The following AOPEP variants were observed in gnomAD, a reference collection of about 807,000 sequenced individuals.
AOPEP encodes the protein aminopeptidase O.
In AOPEP, 77 loss-of-function variants were observed where a neutral mutation model predicts 98.1. The observed-to-expected ratio is 0.78, with a 90% CI of 0.65 to 0.95. The LOEUF is 0.95. Ranked by LOEUF, AOPEP falls within the 40% of genes least tolerant of loss-of-function variation. The pLI, the probability that AOPEP is intolerant of heterozygous loss-of-function variation, is 0.00. For missense variants in AOPEP, 1,024 were observed against 1,024.7 expected (o/e 1.00, Z 0.01); for synonymous variants, 346 against 365.3 (o/e 0.95, Z 0.60).
At chr9:94,939,602 TCCTG>T (rs1238970675) in intron 7 of AOPEP, among the ~76,000 whole-genome samples, 2 of 152,184 alleles carry the variant, frequency 1.3e-5, no homozygotes, top group African/African-American at 4.8e-5. Context: ...GAACAAAACT[TCCTG>T]GGCAACAACA....
In AOPEP at chr9:94,933,059, TCTC is replaced by T. The variant is rs2055632068; in HGVS notation, c.1661+4532_1661+4534del. ...CCCAAGGACTCTCCCAGACTCTTCA[TCTC>T]CTCTCTGGCCCTGGGCAGAACTCTT... On this transcript the variant is annotated intron_variant, in intron 7 of 16. Transcript: ENST00000375315. 6.1e-6 allele frequency: 6 copies of T among 985,420 alleles called. No homozygotes were observed. In the South Asian group the frequency reaches 2.3e-4, roughly 39 times the overall value. The allele number at this position is 985,420 out of a possible 1,614,324, so 61.0% of individuals were successfully genotyped here.
intron 2 of AOPEP, among the ~76,000 whole-genome samples, chr9:94,770,277 A>G (rs540682624): frequency 6.6e-6 from 1 of 152,354 alleles, no homozygotes; most frequent in Admixed American, 6.5e-5. Flanking sequence ...CACTTGAGCC[A>G]GAAACCTCAG....
chr9:95,145,709 A>G, the AOPEP span, among the ~76,000 whole-genome samples: 2 of 152,224 alleles, frequency 1.3e-5, no homozygotes, highest in Admixed American at 6.5e-5. Flanking sequence ...GAACCAGAAC[A>G]GAAGGTAACA....
At chr9:94,796,912 C>T (rs932191296) in intron 4 of AOPEP, among the ~76,000 whole-genome samples, 9 of 152,014 alleles carry the variant, frequency 5.9e-5, no homozygotes, top group South Asian at 4.1e-4. Flanking sequence ...AGTTTAAACA[C>T]GACACAGAAA....
chr9:95,092,421 A>T, the AOPEP span, among the ~76,000 whole-genome samples: 1 of 151,996 alleles, frequency 6.6e-6, no homozygotes, highest in African/African-American at 2.4e-5. Context: ...GGGACTGTCC[A>T]TTCTGAGTCT....
intron 5 of AOPEP, among the ~76,000 whole-genome samples, chr9:94,896,011 T>C (rs1692017338): frequency 6.6e-6 from 1 of 152,196 alleles, no homozygotes; most frequent in African/African-American, 2.4e-5. Context: ...ATGGAGAATG[T>C]TTGCCTATCT....
chr9:95,088,142 C>T (rs75760777), downstream of AOPEP, among the ~76,000 whole-genome samples: 23 of 152,166 alleles, frequency 1.5e-4, no homozygotes, highest in East Asian at 2.9e-3. Context: ...AATAAATACA[C>T]GACCGCGGCT....
At chr9:94,960,105 T>C (rs1210701123) in intron 9 of AOPEP, among the ~76,000 whole-genome samples, 1 of 152,216 alleles carries the variant, frequency 6.6e-6, no homozygotes, top group Non-Finnish European at 1.5e-5. Context: ...ATCAGTTTAT[T>C]CACTACTGTA....
At chr9:94,820,293 C>T (rs1395220450) in intron 5 of AOPEP, among the ~76,000 whole-genome samples, 3 of 152,100 alleles carry the variant, frequency 2.0e-5, no homozygotes, top group Non-Finnish European at 4.4e-5. Context: ...TCCGATTTTC[C>T]ATTCCTTAGG....
intron 3 of AOPEP, among the ~76,000 whole-genome samples, chr9:94,777,017 C>T (rs532214556): frequency 6.6e-6 from 1 of 151,356 alleles, no homozygotes; most frequent in South Asian, 2.1e-4. Flanking sequence ...CAATCCTTGG[C>T]TAGGTATAAC....
In AOPEP at chr9:94,999,579, G is replaced by T. The variant is rs184485396; in HGVS notation, c.1978-5579G>T. Among the ~76,000 whole-genome samples, 535 of 152,204 alleles carry T rather than the reference G, an allele frequency of 3.5e-3. 1 individual carries two copies. The highest frequency in any genetic ancestry group is 6.5e-3 in the Non-Finnish European group (445 of 68,014). On this transcript the variant is annotated intron_variant, in intron 11 of 16. Coordinates refer to ENST00000375315, the MANE Select transcript of AOPEP (RefSeq NM_001193329.3). ...GGTAAACATTGTGATGGATTTTATG[G>T]GGCTGTTTCTTATAATGCACCTCAA...
At chr9:94,971,274 G>A (rs935056039) in intron 10 of AOPEP, among the ~76,000 whole-genome samples, 12 of 151,968 alleles carry the variant, frequency 7.9e-5, no homozygotes, top group African/African-American at 2.9e-4. Flanking sequence ...TACCTCTCCC[G>A]GTTAGGATCG....
chr9:94,950,291 C>T (rs2058011358), intron 7 of AOPEP, among the ~76,000 whole-genome samples: 1 of 152,230 alleles, frequency 6.6e-6, no homozygotes, highest in Non-Finnish European at 1.5e-5. Flanking sequence ...CAGATAATAG[C>T]CACATTTACA....
At chr9:94,899,179 CTTTTT>C (rs1164742981) in intron 5 of AOPEP, among the ~76,000 whole-genome samples, 34 of 59,750 alleles carry the variant, frequency 5.7e-4, no homozygotes, top group South Asian at 2.4e-3. Flanking sequence ...TCTTCATTTG[CTTTTT>C]TTTTTTTTTT....
intron 11 of AOPEP, among the ~76,000 whole-genome samples, chr9:94,984,294 G>T (rs2060382989): frequency 6.6e-6 from 1 of 152,130 alleles, no homozygotes; most frequent in African/African-American, 2.4e-5. Flanking sequence ...CTCTCAAAGT[G>T]CTGGGATTAC....
At chr9:95,003,580 A>T (rs1168179067) in intron 11 of AOPEP, among the ~76,000 whole-genome samples, 3 of 152,252 alleles carry the variant, frequency 2.0e-5, no homozygotes, top group African/African-American at 7.2e-5. Flanking sequence ...AGCAGCTCAG[A>T]ATAATCCACT....
rs545321584 is a variant in AOPEP at position 94,761,069 on chromosome 9, A to G, written c.797+489A>G. ...TTCCTTACCGTACTTGTCTATTGGC[A>G]GCTATGCCTCCCTGACTTTTGTCAG... is the stretch of plus-strand genomic sequence containing the variant. On this transcript the variant is annotated intron_variant, in intron 2 of 16. Transcript: ENST00000375315. 2.6e-5 allele frequency among the ~76,000 whole-genome samples: 4 copies of G among 152,272 alleles called. No homozygotes were observed. The South Asian group carries it at 8.3e-4, about 32-fold the overall frequency.
At chr9:94,771,012 A>G (rs1840744180) in intron 2 of AOPEP, among the ~76,000 whole-genome samples, 2 of 152,108 alleles carry the variant, frequency 1.3e-5, no homozygotes, top group African/African-American at 4.8e-5. Context: ...CCTGCACAGT[A>G]TTTCTCAGAT....
chr9:94,982,385 A>G lies in AOPEP; in HGVS notation c.1977+2958A>G, dbSNP rs1397782348. Among the ~76,000 whole-genome samples the G allele has an allele frequency of 3.3e-5, 5 of 152,288 alleles. No homozygotes were observed. The East Asian group carries it at 5.8e-4, about 18-fold the overall frequency. On this transcript the variant is annotated intron_variant, in intron 11 of 16. Transcript: ENST00000375315. ...GCTGCCCTCAGTCATACCTCCAGAGATCACCTGCACCTGAGAGCAGCCCGC... is the reference window on the plus strand; with the variant it reads ...GCTGCCCTCAGTCATACCTCCAGAGGTCACCTGCACCTGAGAGCAGCCCGC...
Sources: allele counts gnomAD v4.1 joint callset (sites outside exome capture counted in the v4.1 genomes callset), GRCh38; gene constraint gnomAD v4.1.1; transcripts MANE v1.5; gene names NCBI Gene and HGNC (gene_info 2026-07-23, HGNC 2026-07-21).